The following PRKD1 variants were observed in gnomAD, a reference collection of about 807,000 sequenced individuals.
The protein encoded by PRKD1 is protein kinase D1.
A neutral mutation model predicts 95.9 loss-of-function variants in PRKD1; 63 were observed. That is an observed-to-expected ratio of 0.66 (90% CI 0.54 to 0.81). The LOEUF is 0.81. Among genes scored for constraint, PRKD1 ranks in the 30% least tolerant of loss-of-function variants. The pLI is 0.00. For synonymous variants in PRKD1, 425 were observed against 423.1 expected, an observed-to-expected ratio of 1.00 and a Z score of -0.05; for missense variants, 1,048 against 1,165.3, an observed-to-expected ratio of 0.90 and a Z score of 1.47.
rs1472224181 is a variant in PRKD1, at chr14:29,630,945, T to C, written c.1469A>G (p.His490Arg). ...ATTTGCCGTAGTGATTTCGAAACAA[T>C]GAGGATTGGCCCCATTAGGAATTAA... ...SALIPNGANPHCFEITTANVV... is the reference protein window; with the variant it reads ...SALIPNGANPRCFEITTANVV... Residue 490 changes from histidine to arginine, a missense_variant, in exon 10 of 18, where the codon CAT (histidine) becomes CGT (arginine). By Grantham distance (29) the His-to-Arg change is conservative (BLOSUM62 0). Around this residue, in one of 3 missense-constraint regions of PRKD1, gnomAD observed 739 missense variants for 861.9 expected, o/e 0.86. Transcript: ENST00000331968. The C allele has an allele frequency of 6.2e-7, 1 of 1,614,042 alleles. No individual in the cohort carries two copies. Among genetic ancestry groups the C allele is most frequent in the Non-Finnish European group, 8.5e-7 (1 of 1,179,964 alleles).
chr14:29,860,285 T>C (rs1490160390), intron 1 of PRKD1, among the ~76,000 whole-genome samples: 1 of 152,230 alleles, frequency 6.6e-6, no homozygotes. Flanking sequence ...GGGAAAAAAG[T>C]TCTATTGCAG....
At chr14:29,920,220 G>C (rs182377608) in intron 1 of PRKD1, among the ~76,000 whole-genome samples, 38 of 152,210 alleles carry the variant, frequency 2.5e-4, no homozygotes, top group Admixed American at 5.2e-4. Context: ...AATAAGGAAA[G>C]ATTTAAGAAA....
At chr14:29,665,418 A>T (rs1882432709) in intron 3 of PRKD1, among the ~76,000 whole-genome samples, 1 of 152,112 alleles carries the variant, frequency 6.6e-6, no homozygotes, top group Admixed American at 6.5e-5. Context: ...TGTCTATTAC[A>T]CCACTGTGTG....
At chr14:29,701,603 T>A (rs1401121161) in intron 2 of PRKD1, among the ~76,000 whole-genome samples, 2 of 152,228 alleles carry the variant, frequency 1.3e-5, no homozygotes. Context: ...TTTTTTTGAA[T>A]AATTAGTTGG....
chr14:29,888,434 C>A (rs1893816233), intron 1 of PRKD1, among the ~76,000 whole-genome samples: 1 of 152,134 alleles, frequency 6.6e-6, no homozygotes, highest in Non-Finnish European at 1.5e-5. Context: ...GACATACCAA[C>A]TTGTATACGG....
chr14:29,692,327 A>C (rs1884287434), intron 2 of PRKD1, among the ~76,000 whole-genome samples: 1 of 151,918 alleles, frequency 6.6e-6, no homozygotes, highest in African/African-American at 2.4e-5. Flanking sequence ...ATTAAATCTT[A>C]CTGTGTAGAC....
rs902611168 is a variant in PRKD1, at chr14:29,817,594, G to A, written c.265-91920C>T. The stretch of plus-strand genomic sequence containing the variant: ...AAATCCTCGTGACCTCTAACTTTAT[G>A]GTTAGATATCATTATGTAATCTCCA... On this transcript the variant is annotated intron_variant, in intron 1 of 17. Transcript: ENST00000331968. 2.0e-5 allele frequency among the ~76,000 whole-genome samples: 3 copies of A among 152,156 alleles called. No individual in the cohort carries two copies. In the South Asian group the frequency reaches 6.2e-4, roughly 32 times the overall value.
At chr14:29,770,853 G>A (rs563148385) in intron 1 of PRKD1, among the ~76,000 whole-genome samples, 8 of 148,596 alleles carry the variant, frequency 5.4e-5, no homozygotes, top group South Asian at 2.1e-4. Flanking sequence ...GCACGCGTCC[G>A]TGGGAAGATC....
In PRKD1 at chr14:29,794,665, C is replaced by A. The variant is rs45507493; in HGVS notation, c.265-68991G>T. On this transcript the variant is annotated intron_variant, in intron 1 of 17. Coordinates refer to ENST00000331968, the MANE Select transcript of PRKD1 (RefSeq NM_002742.3). ...ATTCTCTCTCTCTCTCCCCTCTGCC[C>A]CTTCTCATTCTTCCCTTCCCTCCCC... 2.9e-3 allele frequency among the ~76,000 whole-genome samples: 441 copies of A among 152,058 alleles called. 6 individuals carry two copies. The highest frequency in any genetic ancestry group is 9.9e-3 in the African/African-American group (411 of 41,512).
intron 16 of PRKD1, among the ~76,000 whole-genome samples, chr14:29,586,816 G>T (rs1367516620): frequency 6.6e-6 from 1 of 151,904 alleles, no homozygotes; most frequent in Admixed American, 6.6e-5. Flanking sequence ...GTAGAGATGG[G>T]GTTTCTCCAT....
chr14:29,698,590 G>C (rs1291642352), intron 2 of PRKD1, among the ~76,000 whole-genome samples: 1 of 151,820 alleles, frequency 6.6e-6, no homozygotes, highest in African/African-American at 2.4e-5. Flanking sequence ...TCTCGAAATT[G>C]GGAAAGGGCT....
At chr14:29,841,110 T>C (rs1891825347) in intron 1 of PRKD1, among the ~76,000 whole-genome samples, 1 of 152,240 alleles carries the variant, frequency 6.6e-6, no homozygotes, top group African/African-American at 2.4e-5. Flanking sequence ...TTGGAATGGC[T>C]GAGTTTATCC....
At chr14:29,634,367 C>T in intron 8 of PRKD1, 51 bp downstream of exon 8, 2 of 1,612,870 alleles carry the variant, frequency 1.2e-6, no homozygotes, top group Non-Finnish European at 1.7e-6. Flanking sequence ...TTAGCAACTC[C>T]TCTAATTAAA....
At chr14:29,836,237 A>T (rs550985235) in intron 1 of PRKD1, among the ~76,000 whole-genome samples, 1 of 152,338 alleles carries the variant, frequency 6.6e-6, no homozygotes, top group Admixed American at 6.5e-5. Context: ...TGAGGGGCTG[A>T]GCTCAGACTG....
At chr14:29,727,801 A>C (rs1886233573) in intron 1 of PRKD1, among the ~76,000 whole-genome samples, 1 of 151,862 alleles carries the variant, frequency 6.6e-6, no homozygotes, top group African/African-American at 2.4e-5. Flanking sequence ...ACAATGTGGC[A>C]CATATACACC....
chr14:29,850,818 C>T (rs1892279997), intron 1 of PRKD1, among the ~76,000 whole-genome samples: 1 of 151,640 alleles, frequency 6.6e-6, no homozygotes, highest in Non-Finnish European at 1.5e-5. Context: ...CATTACCTGA[C>T]TTCAAACCAA....
chr14:29,686,187 C>T (rs916455558), intron 2 of PRKD1, among the ~76,000 whole-genome samples: 1 of 152,092 alleles, frequency 6.6e-6, no homozygotes, highest in Non-Finnish European at 1.5e-5. Flanking sequence ...TAATTTGAAT[C>T]ATTTTGGGTT....
chr14:29,688,007 AG>A (rs1883984827), intron 2 of PRKD1, among the ~76,000 whole-genome samples: 1 of 152,230 alleles, frequency 6.6e-6, no homozygotes, highest in Admixed American at 6.5e-5. Flanking sequence ...CACAGAGTCC[AG>A]GAAGTCAGAA....
chr14:29,765,479 T>C (rs1232612686), intron 1 of PRKD1, among the ~76,000 whole-genome samples: 3 of 152,184 alleles, frequency 2.0e-5, no homozygotes, highest in Admixed American at 2.0e-4. Context: ...CATTTGGCTT[T>C]TTCTTGTAAA....
Sources: gnomAD v4.1 joint callset for allele counts (sites outside exome capture counted in the v4.1 genomes callset) on GRCh38, gnomAD v4.1.1 for gene constraint, gnomAD v4.1.1 regional missense constraint, MANE v1.5 for transcripts, NCBI Gene and HGNC (gene_info 2026-07-23, HGNC 2026-07-21) for gene names.